CDK15: variants seen among roughly 807,000 people sequenced by gnomAD.
CDK15 encodes the protein cyclin dependent kinase 15.
A neutral mutation model predicts 60.3 loss-of-function variants in CDK15; 62 were observed. That is an observed-to-expected ratio of 1.03 (90% CI 0.84 to 1.27). CDK15 has a LOEUF of 1.27. Ranked by LOEUF, CDK15 falls within the 50% of genes most tolerant of loss-of-function variation. CDK15 has a pLI of 0.00. For missense variants in CDK15, 541 were observed against 527.8 expected (o/e 1.03, Z -0.25); for synonymous variants, 194 against 195.7 (o/e 0.99, Z 0.07).
chr2:201,885,057 C>T (rs190966761), intron 12 of CDK15, among the ~76,000 whole-genome samples: 6 of 152,230 alleles, frequency 3.9e-5, no homozygotes, highest in East Asian at 1.9e-4. Context: ...GAAGGGCATA[C>T]GGGCAAAGGA....
At chr2:201,844,077 A>G (rs1210977362) in intron 8 of CDK15, among the ~76,000 whole-genome samples, 1 of 152,070 alleles carries the variant, frequency 6.6e-6, no homozygotes, top group East Asian at 1.9e-4. Flanking sequence ...TGTTTAAAAT[A>G]TTTTCAATCC....
At position 201,879,208 on chromosome 2, in the gene CDK15, G is replaced by A. The variant is rs118170608; in HGVS notation, c.1059-820G>A. ...CTCTCTTCCTCTGCTCCATCTCAAG[G>A]GAACCAAGAGAGCTTCCTAACTAAT... is the stretch of plus-strand genomic sequence containing the variant. On this transcript the variant is annotated intron_variant, in intron 11 of 13. Transcript: ENST00000652192. Among the ~76,000 whole-genome samples, 27 of 152,214 alleles carry A rather than the reference G, an allele frequency of 1.8e-4. No homozygotes were observed. The East Asian group carries it at 3.5e-3, about 20-fold the overall frequency.
intron 6 of CDK15, among the ~76,000 whole-genome samples, chr2:201,826,458 C>CAA (rs373198183): frequency 0.18 from 14,379 of 78,172 alleles, 2,923 homozygotes; most frequent in East Asian, 0.39. Flanking sequence ...GACTGCGTCT[C>CAA]AAAAAAAAAA....
chr2:201,806,948 T>C lies in CDK15; in HGVS notation c.123+161T>C, dbSNP rs534344659. On this transcript the variant is annotated intron_variant, in intron 1 of 13. Coordinates refer to ENST00000652192, the MANE Select transcript of CDK15 (RefSeq NM_001366386.2). ...AAAATTTATGGCTGTAGTTATCAAATTTGGGGAATTTCTTGTAAACCAAAA... is the reference window on the plus strand; with the variant it reads ...AAAATTTATGGCTGTAGTTATCAAACTTGGGGAATTTCTTGTAAACCAAAA... Among the ~76,000 whole-genome samples, 9 of 152,268 alleles carry C rather than the reference T, an allele frequency of 5.9e-5. No homozygotes were observed. The South Asian group carries it at 1.9e-3, about 32-fold the overall frequency.
intron 10 of CDK15, among the ~76,000 whole-genome samples, chr2:201,866,240 C>T (rs1329626086): frequency 6.6e-6 from 1 of 151,934 alleles, no homozygotes; most frequent in African/African-American, 2.4e-5. Context: ...TATAAGATAA[C>T]CTTAGGGTGA....
chr2:201,875,241 T>C (rs1032674345), intron 11 of CDK15, among the ~76,000 whole-genome samples: 3 of 152,230 alleles, frequency 2.0e-5, no homozygotes, highest in African/African-American at 7.2e-5. Context: ...TTATGACTTT[T>C]ATAAGCAATG....
chr2:201,864,797 A>G (rs1160257194), intron 10 of CDK15, among the ~76,000 whole-genome samples: 3 of 152,252 alleles, frequency 2.0e-5, no homozygotes, highest in African/African-American at 7.2e-5. Flanking sequence ...AGATTAAGGT[A>G]TCTGTGGAAC....
intron 6 of CDK15, among the ~76,000 whole-genome samples, 188 bp downstream of exon 6, chr2:201,823,915 G>C (rs1481210210): frequency 1.3e-5 from 2 of 152,064 alleles, no homozygotes; most frequent in Non-Finnish European, 2.9e-5. Flanking sequence ...AAAAGAAAAA[G>C]AGTTGCTGAG....
At chr2:201,891,733 C>T (rs2105849162) in intron 13 of CDK15, among the ~76,000 whole-genome samples, 1 of 152,292 alleles carries the variant, frequency 6.6e-6, no homozygotes, top group East Asian at 1.9e-4. Flanking sequence ...CATACTGGGG[C>T]TTCCATGGTG....
At chr2:201,859,789 T>G (rs1487972889) in intron 10 of CDK15, among the ~76,000 whole-genome samples, 4 of 152,252 alleles carry the variant, frequency 2.6e-5, no homozygotes, top group African/African-American at 9.6e-5. Context: ...TTCTGATTTT[T>G]CTTTCTCAAA....
chr2:201,867,531 A>G (rs1006226260), intron 10 of CDK15, among the ~76,000 whole-genome samples: 5 of 152,210 alleles, frequency 3.3e-5, no homozygotes, highest in African/African-American at 9.6e-5. Flanking sequence ...AGGCTGAGGC[A>G]GGAGAATGGC....
At chr2:201,869,069 C>T (rs1215549689) in intron 10 of CDK15, among the ~76,000 whole-genome samples, 2 of 152,170 alleles carry the variant, frequency 1.3e-5, no homozygotes, top group African/African-American at 4.8e-5. Context: ...ACTATAAAGA[C>T]ACATGCACAT....
At chr2:201,810,930 C>T (rs906855756) in intron 3 of CDK15, among the ~76,000 whole-genome samples, 2 of 150,542 alleles carry the variant, frequency 1.3e-5, no homozygotes, top group Non-Finnish European at 3.0e-5. Flanking sequence ...CTGCAACCTC[C>T]GGCTCCCGGG....
intron 8 of CDK15, among the ~76,000 whole-genome samples, chr2:201,841,696 C>A (rs1202631328): frequency 6.6e-6 from 1 of 152,180 alleles, no homozygotes; most frequent in Non-Finnish European, 1.5e-5. Flanking sequence ...CCAATTATAA[C>A]CCGTAGTGCA....
At chr2:201,838,887 A>G (rs184794746) in intron 8 of CDK15, among the ~76,000 whole-genome samples, 13 of 152,110 alleles carry the variant, frequency 8.5e-5, no homozygotes, top group African/African-American at 2.9e-4. Flanking sequence ...TTTAAAAATA[A>G]TCCTTTTACA....
chr2:201,849,120 T>C (rs1170774784), intron 9 of CDK15, among the ~76,000 whole-genome samples: 1 of 152,228 alleles, frequency 6.6e-6, no homozygotes, highest in Non-Finnish European at 1.5e-5. Flanking sequence ...GGGCAAGTTA[T>C]GTAGTCCCTC....
In CDK15 at chr2:201,833,876, T is replaced by C; in HGVS notation, c.635T>C (p.Leu212Pro). Residue 212 changes from leucine to proline, a missense_variant, in exon 7 of 14, where the codon CTG (leucine) becomes CCG (proline). Leu to Pro is a moderately conservative substitution (Grantham distance 98, BLOSUM62 -3). Transcript: ENST00000652192. ...RLFMFQLLRGLAYIHHQHVLH... is the reference protein window; with the variant it reads ...RLFMFQLLRGPAYIHHQHVLH... ...TTCATGTTTCAACTTTTGCGGGGCCTGGCGTACATCCACCACCAACACGTT... is the reference window on the plus strand; with the variant it reads ...TTCATGTTTCAACTTTTGCGGGGCCCGGCGTACATCCACCACCAACACGTT... 6.2e-7 allele frequency: 1 copy of C among 1,614,042 alleles called. No individual in the cohort carries two copies. Among genetic ancestry groups the C allele is most frequent in the Non-Finnish European group, 8.5e-7 (1 of 1,179,984 alleles).
intron 12 of CDK15, among the ~76,000 whole-genome samples, chr2:201,880,674 G>A (rs367596285): frequency 3.3e-5 from 5 of 152,192 alleles, no homozygotes; most frequent in Admixed American, 3.3e-4. Flanking sequence ...GGTCTCCTCC[G>A]AGGCTGCCCA....
At chr2:201,850,520 A>G (rs1403814876) in intron 9 of CDK15, among the ~76,000 whole-genome samples, 2 of 152,214 alleles carry the variant, frequency 1.3e-5, no homozygotes, top group African/African-American at 4.8e-5. Context: ...TATAAATGAT[A>G]ACACAGCTGC....
Sources: gnomAD v4.1 joint callset for allele counts (sites outside exome capture counted in the v4.1 genomes callset) on GRCh38, gnomAD v4.1.1 for gene constraint, MANE v1.5 for transcripts, NCBI Gene and HGNC (gene_info 2026-07-23, HGNC 2026-07-21) for gene names.